The following SPNS1 variants were observed in gnomAD, a reference collection of about 807,000 sequenced individuals.
SPNS1 encodes protein spinster homolog 1.
A neutral mutation model predicts 50.3 loss-of-function variants in SPNS1; 22 were observed. The ratio of observed to expected loss-of-function variants is 0.44; its 90% CI spans 0.31 to 0.62. The LOEUF is 0.62. Ranked by LOEUF, SPNS1 falls within the 20% of genes least tolerant of loss-of-function variation. The pLI, the probability that SPNS1 is intolerant of heterozygous loss-of-function variation, is 0.07. For synonymous variants in SPNS1, 295 were observed against 317.4 expected (o/e 0.93, Z 0.75); for missense variants, 576 against 728.6 (o/e 0.79, Z 2.41).
Position 28,979,472 on chromosome 16 carries a change from G to A in SPNS1, c.663+1G>A. On this transcript the variant is annotated splice_donor_variant, in intron 5 of 11. Coordinates refer to ENST00000311008, the MANE Select transcript of SPNS1 (RefSeq NM_032038.3). LOFTEE classifies it high-confidence loss of function. ...TGGAGACTGGCACTGGGCTCTGAGG[G>A]TGAGTCTGGTCTTGGCCTGGGGGTA... is the stretch of plus-strand genomic sequence containing the variant. 1 of 1,614,108 alleles carries A rather than the reference G, an allele frequency of 6.2e-7. No homozygotes were observed.
At chr16:28,979,342 G>T in intron 4 of SPNS1, 36 bp downstream of exon 4, 1 of 1,614,078 alleles carries the variant, frequency 6.2e-7, no homozygotes, top group Non-Finnish European at 8.5e-7. Context: ...AGGCAGAAGG[G>T]CCTGGTGTGG....
Position 28,981,802 on chromosome 16 carries a change from TGTGAC to T in SPNS1, c.810-98_810-94del. Reference sequence around the variant, plus strand: ...AGCCAGAACCACCTCTGCACGGTGTTGTGACCTTACTAAAATAAGCCAGGAAGGGA... The same window carrying T: ...AGCCAGAACCACCTCTGCACGGTGTTCTTACTAAAATAAGCCAGGAAGGGA... On this transcript the variant is annotated intron_variant, in intron 6 of 11. Transcript: ENST00000311008. The surrounding 1 kb of genome is among the most constrained non-coding windows in gnomAD (Gnocchi z 4.2). The T allele has an allele frequency of 1.3e-6, 2 of 1,547,238 alleles. No individual in the cohort carries two copies. The highest frequency in any genetic ancestry group is 1.2e-5 in the South Asian group (1 of 86,606).
At chr16:28,984,001 T>C (rs1965661915) in intron 11 of SPNS1, 44 bp downstream of exon 11, 2 of 1,521,726 alleles carry the variant, frequency 1.3e-6, no homozygotes, top group Non-Finnish European at 1.8e-6. Flanking sequence ...GATCTGCCTG[T>C]CTGTCTGTCC....
In SPNS1 at chr16:28,982,387, G is replaced by A. The variant is rs1196843508; in HGVS notation, c.997G>A (p.Gly333Arg). 1.9e-6 allele frequency: 3 copies of A among 1,605,214 alleles called. No individual in the cohort carries two copies. The highest frequency in any genetic ancestry group is 1.7e-6 in the Non-Finnish European group (2 of 1,174,428). The change falls in exon 8 of 12, where the codon GGA becomes AGA. Residue 333 changes from glycine (G) to arginine (R), a missense_variant. This residue lies in a region of SPNS1 where 428 missense variants were observed against 520.1 expected (regional missense o/e 0.82). Coordinates refer to ENST00000311008, the MANE Select transcript of SPNS1 (RefSeq NM_032038.3). ...LIFGLITCLT[G>R]VLGVGLGVEI... ...CTTTGGACTCATCACCTGCCTGACCGGAGTCCTGGGTGTGGGCCTGGGTGT... is the reference window on the plus strand; with the variant it reads ...CTTTGGACTCATCACCTGCCTGACCAGAGTCCTGGGTGTGGGCCTGGGTGT...
At position 28,984,229 on chromosome 16, in the gene SPNS1, C is replaced by T; in HGVS notation, c.1517C>T (p.Thr506Ile). 1.2e-6 allele frequency: 2 copies of T among 1,601,082 alleles called. No homozygotes were observed. Among genetic ancestry groups the T allele is most frequent in the Non-Finnish European group, 1.7e-6 (2 of 1,173,294 alleles). ...VQGLLHEAGS[T>I]DDRIVVPQRG... is the part of the protein sequence containing the mutation. ...GGCCTGCTGCACGAAGCAGGGTCCACAGACGACCGGATTGTGGTGCCCCAG... is the reference window on the plus strand; with the variant it reads ...GGCCTGCTGCACGAAGCAGGGTCCATAGACGACCGGATTGTGGTGCCCCAG... Residue 506 changes from threonine to isoleucine, a missense_variant, in exon 12 of 12, where the codon ACA (threonine) becomes ATA (isoleucine). Physicochemically the swap from Thr to Ile is moderately conservative, Grantham distance 89 (BLOSUM62 -1). This residue lies in a region of SPNS1 where 428 missense variants were observed against 520.1 expected (regional missense o/e 0.82). Transcript: ENST00000311008.
In SPNS1 at chr16:28,981,981, T is replaced by G; in HGVS notation, c.890T>G (p.Phe297Cys). The change falls in exon 7 of 12, where the codon TTC becomes TGC. Residue 297 changes from phenylalanine (F) to cysteine (C), a missense_variant. Coordinates refer to ENST00000311008, the MANE Select transcript of SPNS1 (RefSeq NM_032038.3). This position sits in a 1 kb window ranked among gnomAD's most constrained non-coding sequence, Gnocchi z 4.2. ...TGSLALWAPAFLLRSRVVLGE... is the reference protein window; with the variant it reads ...TGSLALWAPACLLRSRVVLGE... ...TCCCTGGCTCTGTGGGCTCCGGCAT[T>G]CCTGCTGCGTTCCCGCGTGGTCCTT... 6.2e-7 allele frequency: 1 copy of G among 1,614,238 alleles called. No individual in the cohort carries two copies. Among genetic ancestry groups the G allele is most frequent in the African/African-American group, 1.3e-5 (1 of 75,058 alleles).
intron 2 of SPNS1, 143 bp from the exon 3 acceptor site, chr16:28,977,765 A>T (rs1965395022): frequency 3.9e-6 from 4 of 1,021,280 alleles, no homozygotes; most frequent in Non-Finnish European, 5.7e-6. Context: ...GGAAGCTCTG[A>T]TGGGCTTCAG....
chr16:28,978,035 C>A lies in SPNS1; in HGVS notation c.435C>A (p.Ile145=), dbSNP rs1304069653. 1 of 1,613,402 alleles carries A rather than the reference C, an allele frequency of 6.2e-7. No homozygotes were observed. The highest frequency in any genetic ancestry group is 8.5e-7 in the Non-Finnish European group (1 of 1,179,602). Residue 145 remains isoleucine (I), a synonymous_variant, in exon 3 of 12, where the codon ATC becomes ATA. Transcript: ENST00000311008. ...WSLVTLGSSF[I]PGEHFWLLLL... Reference sequence around the variant, plus strand: ...TGGTGACACTGGGGTCATCCTTCATCCCCGGAGAGGTGAGGCCCCAAGCTG... The same window carrying A: ...TGGTGACACTGGGGTCATCCTTCATACCCGGAGAGGTGAGGCCCCAAGCTG...
chr16:28,981,457 C>G lies in SPNS1; in HGVS notation c.664-13C>G, dbSNP rs780766881. On this transcript the variant is annotated splice_polypyrimidine_tract_variant and intron_variant, in intron 5 of 11. Transcript: ENST00000311008. This position sits in a 1 kb window ranked among gnomAD's most constrained non-coding sequence, Gnocchi z 4.2. ...CTCTCCCTGTGCCTATCCTGAAGCCCTCTGTCTCCCAGGTGACACCGGGTC... is the reference window on the plus strand; with the variant it reads ...CTCTCCCTGTGCCTATCCTGAAGCCGTCTGTCTCCCAGGTGACACCGGGTC... 4.5e-5 allele frequency: 72 copies of G among 1,613,766 alleles called. No individual in the cohort carries two copies. The highest frequency in any genetic ancestry group is 4.8e-5 in the Non-Finnish European group (57 of 1,179,920).
Position 28,984,362 on chromosome 16 carries a change from G to T in SPNS1, c.*63G>T, listed in dbSNP as rs778358757. On this transcript the variant is annotated 3_prime_UTR_variant, in exon 12 of 12. Transcript: ENST00000311008. Reference sequence around the variant, plus strand: ...TGGCCCTGGGCCCACCCCACGAAGGGCCTGGGCCTAACCCCTTGGCCTGGC... The same window carrying T: ...TGGCCCTGGGCCCACCCCACGAAGGTCCTGGGCCTAACCCCTTGGCCTGGC... 7.7e-5 allele frequency: 118 copies of T among 1,527,582 alleles called. 1 individual carries two copies. The Admixed American group carries it at 2.1e-3, about 27-fold the overall frequency. 94.6% of individuals were successfully genotyped at this position (1,527,582 alleles called of 1,614,324 possible).
chr16:28,983,741 C>G lies in SPNS1; in HGVS notation c.1321-45C>G, dbSNP rs746284233. On this transcript the variant is annotated intron_variant, in intron 10 of 11. Transcript: ENST00000311008. This position sits in a 1 kb window ranked among gnomAD's most constrained non-coding sequence, Gnocchi z 5.4. ...CAGGGGCGTGCCCTCCCTGGTTCATCCATGAGGCTGACTCCCCTGGCTTTC... is the reference window on the plus strand; with the variant it reads ...CAGGGGCGTGCCCTCCCTGGTTCATGCATGAGGCTGACTCCCCTGGCTTTC... 2 of 1,528,116 alleles carry G rather than the reference C, an allele frequency of 1.3e-6. No homozygotes were observed. The highest frequency in any genetic ancestry group is 1.3e-5 in the South Asian group (1 of 79,958). The allele number at this position is 1,528,116 out of a possible 1,614,324, so 94.7% of individuals were successfully genotyped here.
chr16:28,981,340 T>C lies in SPNS1; in HGVS notation c.664-130T>C. 7 of 1,248,784 alleles carry C rather than the reference T, an allele frequency of 5.6e-6. No individual in the cohort carries two copies. The highest frequency in any genetic ancestry group is 7.7e-6 in the Non-Finnish European group (7 of 912,976). The allele number at this position is 1,248,784 out of a possible 1,614,324, so 77.4% of individuals were successfully genotyped here. Reference sequence around the variant, plus strand: ...CCTTCCCCCAGATTGCAGGTTCGGCTTCTTGGAGCAGGCACTTAACTGGGT... The same window carrying C: ...CCTTCCCCCAGATTGCAGGTTCGGCCTCTTGGAGCAGGCACTTAACTGGGT... On this transcript the variant is annotated intron_variant, in intron 5 of 11. Transcript: ENST00000311008. The surrounding 1 kb of genome is among the most constrained non-coding windows in gnomAD (Gnocchi z 4.2).
At chr16:28,977,107 C>A (rs1358743139) in intron 2 of SPNS1, among the ~76,000 whole-genome samples, 1 of 152,076 alleles carries the variant, frequency 6.6e-6, no homozygotes, top group Non-Finnish European at 1.5e-5. Flanking sequence ...ATCACGAGAT[C>A]AGGAGATTGA....
chr16:28,977,860 G>A lies in SPNS1; in HGVS notation c.308-48G>A, dbSNP rs1965397833. On this transcript the variant is annotated intron_variant, in intron 2 of 11. Transcript: ENST00000311008. ...AGTGGTTCCAGCTGGGGTGGGAGTGGGAGGTAGGGGTACCTGGGCTGAGCT... is the reference window on the plus strand; with the variant it reads ...AGTGGTTCCAGCTGGGGTGGGAGTGAGAGGTAGGGGTACCTGGGCTGAGCT... 5.6e-6 allele frequency: 9 copies of A among 1,599,202 alleles called. No individual in the cohort carries two copies. In the Admixed American group the frequency reaches 1.5e-4, roughly 27 times the overall value.
In SPNS1 at chr16:28,983,731, C is replaced by A; in HGVS notation, c.1321-55C>A. ...CCCTGGAGCTCAGGGGCGTGCCCTC[C>A]CTGGTTCATCCATGAGGCTGACTCC... On this transcript the variant is annotated intron_variant, in intron 10 of 11. Coordinates refer to ENST00000311008, the MANE Select transcript of SPNS1 (RefSeq NM_032038.3). This position sits in a 1 kb window ranked among gnomAD's most constrained non-coding sequence, Gnocchi z 5.4. 1 of 1,514,672 alleles carries A rather than the reference C, an allele frequency of 6.6e-7. No individual in the cohort carries two copies. The highest frequency in any genetic ancestry group is 8.8e-7 in the Non-Finnish European group (1 of 1,134,018). 93.8% of individuals were successfully genotyped at this position (1,514,672 alleles called of 1,614,324 possible).
rs1696627180 is a variant in SPNS1, at chr16:28,981,317, T to G, written c.664-153T>G. 5 of 969,386 alleles carry G rather than the reference T, an allele frequency of 5.2e-6. No homozygotes were observed. Among genetic ancestry groups the G allele is most frequent in the Non-Finnish European group, 7.5e-6 (5 of 670,298 alleles). The allele number at this position is 969,386 out of a possible 1,614,324, so 60.0% of individuals were successfully genotyped here. On this transcript the variant is annotated intron_variant, in intron 5 of 11. Transcript: ENST00000311008. The surrounding 1 kb of genome is among the most constrained non-coding windows in gnomAD (Gnocchi z 4.2). ...AGGGTGGCCCCTAGTGGCAGCCCCCTTCCCCCAGATTGCAGGTTCGGCTTC... is the reference window on the plus strand; with the variant it reads ...AGGGTGGCCCCTAGTGGCAGCCCCCGTCCCCCAGATTGCAGGTTCGGCTTC...
At position 28,982,395 on chromosome 16, in the gene SPNS1, G is replaced by A; in HGVS notation, c.1005G>A (p.Leu335=). The part of the protein sequence containing the change: ...FGLITCLTGV[L]GVGLGVEISR... ...TCATCACCTGCCTGACCGGAGTCCTGGGTGTGGGCCTGGGTGTGGAGATCA... is the reference window on the plus strand; with the variant it reads ...TCATCACCTGCCTGACCGGAGTCCTAGGTGTGGGCCTGGGTGTGGAGATCA... Residue 335 remains leucine, a synonymous_variant, in exon 8 of 12, where the codon CTG becomes CTA. Coordinates refer to ENST00000311008, the MANE Select transcript of SPNS1 (RefSeq NM_032038.3). 6.2e-7 allele frequency: 1 copy of A among 1,609,108 alleles called. No homozygotes were observed. The highest frequency in any genetic ancestry group is 8.5e-7 in the Non-Finnish European group (1 of 1,176,930).
Position 28,981,731 on chromosome 16 carries a change from C to T in SPNS1, c.809+116C>T. 1 of 1,505,034 alleles carries T rather than the reference C, an allele frequency of 6.6e-7. No individual in the cohort carries two copies. The highest frequency in any genetic ancestry group is 9.0e-7 in the Non-Finnish European group (1 of 1,108,398). 93.2% of individuals were successfully genotyped at this position (1,505,034 alleles called of 1,614,324 possible). ...CCCAAGGCCAGTAATTCGGTCGATA[C>T]TGTCCCCTTGTGGCAGCTGCTTGAA... On this transcript the variant is annotated intron_variant, in intron 6 of 11. Transcript: ENST00000311008. The surrounding 1 kb of genome is among the most constrained non-coding windows in gnomAD (Gnocchi z 4.2).
At chr16:28,982,753 G>A (rs1965597581) in intron 8 of SPNS1, 104 bp from the exon 9 acceptor site, 1 of 1,351,142 alleles carries the variant, frequency 7.4e-7, no homozygotes, top group Non-Finnish European at 1.0e-6. Context: ...GTCTCACTGG[G>A]GTGTGATGAG....
Sources: gnomAD v4.1 joint callset for allele counts (sites outside exome capture counted in the v4.1 genomes callset) on GRCh38, gnomAD v4.1.1 for gene constraint, gnomAD v4.1.1 regional missense constraint, Gnocchi (gnomAD v3.1) non-coding constraint, MANE v1.5 for transcripts, NCBI Gene and HGNC (gene_info 2026-07-23, HGNC 2026-07-21) for gene names.